Variants in C3orf22 observed in about 807,000 individuals in gnomAD.
C3orf22 encodes the protein uncharacterized protein C3orf22.
Under a neutral mutation model 10.8 loss-of-function variants are expected in C3orf22, and 7 were observed. That is an observed-to-expected ratio of 0.65 (90% CI 0.37 to 1.22). The LOEUF (loss-of-function observed/expected upper bound fraction) is 1.22, where lower values mean the gene tolerates loss of function less well. C3orf22 is among the 50% of genes most tolerant of loss of function. C3orf22 has a pLI of 0.02. For missense variants in C3orf22, 173 were observed against 177.0 expected (o/e 0.98, Z 0.13); for synonymous variants, 79 against 78.9 (o/e 1.00, Z 0.00).
At chr3:126,530,396 G>A (rs1384883194) in intron 4 of C3orf22, among the ~76,000 whole-genome samples, 1 of 152,250 alleles carries the variant, frequency 6.6e-6, no homozygotes, top group Non-Finnish European at 1.5e-5. Flanking sequence ...AAGGCTGGGA[G>A]CCTCCGAGTA....
intron 4 of C3orf22, chr3:126,541,830 C>CGGA: frequency 6.4e-7 from 1 of 1,570,294 alleles, no homozygotes; most frequent in Non-Finnish European, 8.6e-7. Flanking sequence ...CTGCTACAGC[C>CGGA]GGAGGACCTG....
At chr3:126,531,244 C>A (rs72982011) in intron 4 of C3orf22, among the ~76,000 whole-genome samples, 18,289 of 152,200 alleles carry the variant, frequency 0.12, 1,702 homozygotes, top group African/African-American at 0.26. Context: ...AGGTGGGGCC[C>A]GGGATTCTTG....
intron 4 of C3orf22, among the ~76,000 whole-genome samples, chr3:126,537,924 G>C (rs1315118565): frequency 1.3e-5 from 2 of 152,196 alleles, no homozygotes; most frequent in African/African-American, 2.4e-5. Context: ...CTATGGACTA[G>C]AGCCAGCAAG....
intron 4 of C3orf22, chr3:126,529,376 C>A (rs1030949280): frequency 7.8e-7 from 1 of 1,289,132 alleles, no homozygotes; most frequent in Non-Finnish European, 1.0e-6. Flanking sequence ...CACTTGCCTA[C>A]GGATGCCGCA....
chr3:126,551,305 C>T (rs771833119), intron 3 of C3orf22, among the ~76,000 whole-genome samples: 16 of 152,146 alleles, frequency 1.1e-4, no homozygotes, highest in Non-Finnish European at 2.2e-4. Flanking sequence ...TCAGTGGGGC[C>T]GGGGCATTCA....
chr3:126,547,712 A>G (rs1937092318), downstream of C3orf22, among the ~76,000 whole-genome samples: 1 of 152,204 alleles, frequency 6.6e-6, no homozygotes, highest in African/African-American at 2.4e-5. Flanking sequence ...TGTTCTGGCA[A>G]GAGCTGATAA....
At chr3:126,536,852 C>T (rs895893774) in intron 4 of C3orf22, among the ~76,000 whole-genome samples, 1 of 144,084 alleles carries the variant, frequency 6.9e-6, no homozygotes, top group Admixed American at 7.1e-5. Flanking sequence ...CACCAAGAAC[C>T]CCACACTCTG....
At chr3:126,556,850 CCACACACAGACTCACATACACACA>C (rs1226362227) in intron 1 of C3orf22, among the ~76,000 whole-genome samples, 3 of 149,712 alleles carry the variant, frequency 2.0e-5, no homozygotes, top group African/African-American at 7.4e-5. Context: ...CAGACACCCC[CCACACACAGACTCACATACACACA>C]CACACACAGA....
chr3:126,532,939 C>G (rs1287096668), intron 4 of C3orf22, among the ~76,000 whole-genome samples: 2 of 152,164 alleles, frequency 1.3e-5, no homozygotes, highest in Non-Finnish European at 2.9e-5. Flanking sequence ...TAATTTCTTT[C>G]AACGATGTCT....
chr3:126,555,897 A>G (rs1937318262), intron 1 of C3orf22, among the ~76,000 whole-genome samples: 1 of 152,134 alleles, frequency 6.6e-6, no homozygotes, highest in Non-Finnish European at 1.5e-5. Context: ...AGGGCCATGT[A>G]GTGTGCCTTG....
chr3:126,533,294 C>T (rs1189301988), intron 4 of C3orf22, among the ~76,000 whole-genome samples: 1 of 152,206 alleles, frequency 6.6e-6, no homozygotes, highest in Non-Finnish European at 1.5e-5. Flanking sequence ...AGCAGGCACT[C>T]TTGCCTTGCT....
chr3:126,552,133 A>C lies in C3orf22; in HGVS notation c.90-11T>G. The C allele has an allele frequency of 6.2e-7, 1 of 1,613,462 alleles. No individual in the cohort carries two copies. The highest frequency in any genetic ancestry group is 8.5e-7 in the Non-Finnish European group (1 of 1,179,798). On this transcript the variant is annotated splice_polypyrimidine_tract_variant and intron_variant, in intron 2 of 3. Coordinates refer to ENST00000318225, the MANE Select transcript of C3orf22 (RefSeq NM_152533.3). ...GTCAGCCACGACAACCTGCAACAGC[A>C]CTTGGAATGTCAACATGGCCACCAT... is the stretch of plus-strand genomic sequence containing the variant.
intron 1 of C3orf22, among the ~76,000 whole-genome samples, chr3:126,556,721 CCA>C (rs1209527151): frequency 2.0e-5 from 3 of 151,458 alleles, no homozygotes; most frequent in Admixed American, 6.6e-5. Flanking sequence ...CAGACTGACC[CCA>C]CACACAGACT....
chr3:126,539,606 T>C (rs1174514991), intron 4 of C3orf22, among the ~76,000 whole-genome samples: 32 of 55,444 alleles, frequency 5.8e-4, no homozygotes, highest in Middle Eastern at 0.015. Context: ...CCCCACACAC[T>C]CCACACCACA....
chr3:126,529,795 C>T (rs1360939166), intron 4 of C3orf22, among the ~76,000 whole-genome samples: 1 of 152,240 alleles, frequency 6.6e-6, no homozygotes. Context: ...TCCCCTGTCT[C>T]CCTAACCTCC....
downstream of C3orf22, among the ~76,000 whole-genome samples, chr3:126,546,556 T>C (rs1005800304): frequency 1.3e-5 from 2 of 151,870 alleles, no homozygotes; most frequent in African/African-American, 4.8e-5. Context: ...GTTCTCTCTC[T>C]CTCCCTCCCC....
At chr3:126,553,772 G>A (rs772346110) in intron 1 of C3orf22, among the ~76,000 whole-genome samples, 2 of 152,168 alleles carry the variant, frequency 1.3e-5, no homozygotes. Context: ...AACTGCACAC[G>A]AGGTGTGTTT....
chr3:126,539,564 C>T (rs1458202246), intron 4 of C3orf22, among the ~76,000 whole-genome samples: 1 of 145,494 alleles, frequency 6.9e-6, no homozygotes, highest in Non-Finnish European at 1.5e-5. Flanking sequence ...ACACTGCACA[C>T]ACACACACAT....
At chr3:126,531,913 C>T (rs1936667935) in intron 4 of C3orf22, among the ~76,000 whole-genome samples, 1 of 152,234 alleles carries the variant, frequency 6.6e-6, no homozygotes, top group South Asian at 2.1e-4. Flanking sequence ...CACCACTTTA[C>T]ATCCCCACCA....
Sources: allele counts gnomAD v4.1 joint callset (sites outside exome capture counted in the v4.1 genomes callset), GRCh38; gene constraint gnomAD v4.1.1; transcripts MANE v1.5; gene names NCBI Gene and HGNC (gene_info 2026-07-23, HGNC 2026-07-21).